The following SDK1 variants were observed in gnomAD, a reference collection of about 807,000 sequenced individuals.
The protein encoded by SDK1 is sidekick cell adhesion molecule 1, also known as protein sidekick-1.
SDK1 carries 157 observed loss-of-function variants against 245.5 expected under a neutral mutation model. The observed-to-expected ratio is 0.64, with a 90% CI of 0.56 to 0.73. The LOEUF is 0.73. Among genes scored for constraint, SDK1 ranks in the 30% least tolerant of loss-of-function variants. The pLI is 0.00. For missense variants in SDK1, 3,583 were observed against 3,002.3 expected, an observed-to-expected ratio of 1.19 and a Z score of -4.52; for synonymous variants, 1,647 against 1,278.5, an observed-to-expected ratio of 1.29 and a Z score of -6.15.
chr7:4,174,413 G>T lies in SDK1; in HGVS notation c.4936+56G>T, dbSNP rs1166085289. 2.5e-6 allele frequency: 4 copies of T among 1,574,520 alleles called. No homozygotes were observed. The African/African-American group carries it at 5.4e-5, about 21-fold the overall frequency. ...GAGGGAGGTTCCCAGGGGACCCTTG[G>T]TATCTGCTCAGTGCACATCATGGTG... On this transcript the variant is annotated intron_variant, in intron 33 of 44. Transcript: ENST00000404826.
chr7:3,884,586 T>TC (rs1396069770), intron 5 of SDK1, among the ~76,000 whole-genome samples: 2 of 152,116 alleles, frequency 1.3e-5, no homozygotes, highest in Non-Finnish European at 2.9e-5. Context: ...ATCCTTTGCA[T>TC]CCCCCATCTT....
chr7:3,316,743 G>A (rs1583672844), intron 1 of SDK1, among the ~76,000 whole-genome samples: 1 of 152,246 alleles, frequency 6.6e-6, no homozygotes, highest in East Asian at 1.9e-4. Context: ...ACTGCAGCGT[G>A]GAACTGGTTC....
chr7:4,075,978 C>T (rs1372321847), intron 20 of SDK1, among the ~76,000 whole-genome samples: 1 of 152,062 alleles, frequency 6.6e-6, no homozygotes, highest in Admixed American at 6.6e-5. Context: ...AGCCCCAAGT[C>T]ACAGTGGAAT....
At chr7:4,208,689 G>A (rs919950967) in intron 37 of SDK1, among the ~76,000 whole-genome samples, 14 of 152,176 alleles carry the variant, frequency 9.2e-5, no homozygotes, top group South Asian at 6.2e-4. Context: ...TAGGCTCCTC[G>A]GGCAGTAAAT....
At chr7:4,194,408 A>G (rs914764022) in intron 35 of SDK1, among the ~76,000 whole-genome samples, 1 of 117,790 alleles carries the variant, frequency 8.5e-6, no homozygotes, top group Non-Finnish European at 1.8e-5. Context: ...ATATGTATGC[A>G]CATATGTGTA....
chr7:4,171,239 G>A (rs1411886212), intron 32 of SDK1, among the ~76,000 whole-genome samples: 1 of 152,286 alleles, frequency 6.6e-6, no homozygotes, highest in East Asian at 1.9e-4. Context: ...CGCCGCCTCG[G>A]GTACACCGCA....
At chr7:3,303,484 C>A (rs1779336196) in intron 1 of SDK1, among the ~76,000 whole-genome samples, 1 of 152,088 alleles carries the variant, frequency 6.6e-6, no homozygotes, top group Non-Finnish European at 1.5e-5. Context: ...ATCAGTTGCA[C>A]TTTGAAGGTT....
At chr7:3,453,105 G>A (rs1290537781) in intron 1 of SDK1, among the ~76,000 whole-genome samples, 1 of 151,934 alleles carries the variant, frequency 6.6e-6, no homozygotes, top group African/African-American at 2.4e-5. Flanking sequence ...TCCTGCCACT[G>A]GTGTCTAGAA....
At chr7:4,146,702 T>G (rs565467991) in intron 29 of SDK1, among the ~76,000 whole-genome samples, 1 of 152,304 alleles carries the variant, frequency 6.6e-6, no homozygotes, top group East Asian at 1.9e-4. Flanking sequence ...AGTAAGTAAG[T>G]TTTCCAAATA....
At chr7:3,802,722 G>T (rs1481254397) in intron 4 of SDK1, among the ~76,000 whole-genome samples, 1 of 152,084 alleles carries the variant, frequency 6.6e-6, no homozygotes, top group African/African-American at 2.4e-5. Context: ...GTGACCTTTT[G>T]GGATTGGCTT....
intron 5 of SDK1, among the ~76,000 whole-genome samples, chr7:3,878,270 C>T (rs764472289): frequency 2.6e-5 from 4 of 152,112 alleles, no homozygotes; most frequent in Non-Finnish European, 5.9e-5. Context: ...CCTGTAATCC[C>T]AGCCCTTTGG....
At chr7:3,364,001 G>GT (rs1781021385) in intron 1 of SDK1, among the ~76,000 whole-genome samples, 1 of 152,210 alleles carries the variant, frequency 6.6e-6, no homozygotes. Context: ...ATTCTGAGAT[G>GT]TATGTGGTGA....
At chr7:3,431,925 T>A (rs1280443813) in intron 1 of SDK1, among the ~76,000 whole-genome samples, 1 of 152,046 alleles carries the variant, frequency 6.6e-6, no homozygotes, top group Non-Finnish European at 1.5e-5. Flanking sequence ...AGAATTCCTT[T>A]AAGACCTAAC....
chr7:3,584,371 AAG>A (rs1780613674), intron 1 of SDK1, among the ~76,000 whole-genome samples: 1 of 151,988 alleles, frequency 6.6e-6, no homozygotes, highest in African/African-American at 2.4e-5. Context: ...CCATCCCTTC[AAG>A]CCCCACATGA....
At chr7:3,715,056 G>C (rs1413336182) in intron 4 of SDK1, among the ~76,000 whole-genome samples, 1 of 152,092 alleles carries the variant, frequency 6.6e-6, no homozygotes, top group African/African-American at 2.4e-5. Flanking sequence ...AGATGCCTCA[G>C]CTTCTCCAAT....
intron 1 of SDK1, among the ~76,000 whole-genome samples, chr7:3,558,182 A>G (rs147812264): frequency 6.6e-6 from 1 of 152,204 alleles, no homozygotes. Context: ...TTCATATGAC[A>G]TTTCTTTTCA....
At chr7:3,973,121 C>G (rs889715451) in intron 12 of SDK1, among the ~76,000 whole-genome samples, 3 of 152,120 alleles carry the variant, frequency 2.0e-5, no homozygotes, top group African/African-American at 7.2e-5. Flanking sequence ...CTGGGTTACT[C>G]GCTCTCGGGG....
intron 13 of SDK1, among the ~76,000 whole-genome samples, chr7:3,979,234 A>G (rs1158573662): frequency 2.6e-5 from 4 of 152,002 alleles, no homozygotes; most frequent in Non-Finnish European, 5.9e-5. Flanking sequence ...GGCGGCACCC[A>G]CCCGGGTTTG....
At chr7:3,311,773 A>C (rs1525557) in intron 1 of SDK1, among the ~76,000 whole-genome samples, 65,147 of 151,928 alleles carry the variant, frequency 0.43, 14,151 homozygotes, top group East Asian at 0.56. Context: ...TATAACAAGA[A>C]CAAACAAGCG....
Sources: allele counts gnomAD v4.1 joint callset (sites outside exome capture counted in the v4.1 genomes callset), GRCh38; gene constraint gnomAD v4.1.1; transcripts MANE v1.5; gene names NCBI Gene and HGNC (gene_info 2026-07-23, HGNC 2026-07-21).